The following PIEZO2 variants were observed in gnomAD, a reference collection of about 807,000 sequenced individuals.
The protein encoded by PIEZO2 is piezo-type mechanosensitive ion channel component 2.
PIEZO2 carries 172 observed loss-of-function variants against 337.3 expected under a neutral mutation model. The observed-to-expected ratio is 0.51, with a 90% CI of 0.45 to 0.58. PIEZO2 has a LOEUF of 0.58. PIEZO2 is among the 20% of genes least tolerant of loss of function. The pLI is 0.00. For synonymous variants in PIEZO2, 1,251 were observed against 1,228.5 expected (o/e 1.02, Z -0.38); for missense variants, 3,028 against 3,391.3 (o/e 0.89, Z 2.66).
At chr18:10,978,932 T>G (rs2034553313) in intron 3 of PIEZO2, among the ~76,000 whole-genome samples, 1 of 152,098 alleles carries the variant, frequency 6.6e-6, no homozygotes, top group Non-Finnish European at 1.5e-5. Context: ...CAAATGATAA[T>G]ACTATCTAGA....
rs566241023 is a variant in PIEZO2, at chr18:10,986,838, A to G, written c.161-7178T>C. Among the ~76,000 whole-genome samples the G allele has an allele frequency of 3.3e-5, 5 of 152,162 alleles. No individual in the cohort carries two copies. The East Asian group carries it at 7.7e-4, about 23-fold the overall frequency. On this transcript the variant is annotated intron_variant, in intron 2 of 55. Transcript: ENST00000674853. The stretch of plus-strand genomic sequence containing the variant: ...GAAAAACCTAAAAATCTACCAAAAA[A>G]ACTATTAGAACTAATAAACTCAGTA...
chr18:11,054,601 A>G (rs1026650320), intron 2 of PIEZO2, among the ~76,000 whole-genome samples: 1 of 152,230 alleles, frequency 6.6e-6, no homozygotes, highest in Non-Finnish European at 1.5e-5. Context: ...AAATGTATTA[A>G]CATAAAACCC....
chr18:10,811,819 AGTT>A (rs377236065), intron 7 of PIEZO2, among the ~76,000 whole-genome samples: 121 of 152,302 alleles, frequency 7.9e-4, no homozygotes, highest in African/African-American at 2.6e-3. Flanking sequence ...AAATAACACT[AGTT>A]GTTGTTGTTT....
intron 7 of PIEZO2, among the ~76,000 whole-genome samples, chr18:10,843,637 G>A (rs2041261225): frequency 1.3e-5 from 2 of 152,144 alleles, no homozygotes; most frequent in Admixed American, 1.3e-4. Context: ...AATGTAGAAA[G>A]GGTAATTTTT....
At chr18:10,907,951 A>C (rs1263612811) in intron 4 of PIEZO2, among the ~76,000 whole-genome samples, 1 of 152,240 alleles carries the variant, frequency 6.6e-6, no homozygotes, top group African/African-American at 2.4e-5. Context: ...ACAAACCTAC[A>C]TTACAACATT....
At chr18:11,087,176 G>A (rs898349714) in intron 1 of PIEZO2, among the ~76,000 whole-genome samples, 1 of 152,198 alleles carries the variant, frequency 6.6e-6, no homozygotes, top group African/African-American at 2.4e-5. Context: ...ACTCTCACCA[G>A]ACACTGAATC....
chr18:10,980,308 A>G lies in PIEZO2; in HGVS notation c.161-648T>C, dbSNP rs1170576834. 6.6e-6 allele frequency among the ~76,000 whole-genome samples: 1 copy of G among 152,210 alleles called. No individual in the cohort carries two copies. Among genetic ancestry groups the G allele is most frequent in the Non-Finnish European group, 1.5e-5 (1 of 68,036 alleles). On this transcript the variant is annotated intron_variant, in intron 2 of 55. Coordinates refer to ENST00000674853, the MANE Select transcript of PIEZO2 (RefSeq NM_001378183.1). The surrounding 1 kb of genome is among the most constrained non-coding windows in gnomAD (Gnocchi z 4.8). ...TATCATGGTTTTCTCAATTGGCACCAAAGAAATGTTTCATAAAGTTCAAAA... is the reference window on the plus strand; with the variant it reads ...TATCATGGTTTTCTCAATTGGCACCGAAGAAATGTTTCATAAAGTTCAAAA...
Position 10,791,216 on chromosome 18 carries a change from CCTGA to C in PIEZO2, c.1863_1866del (p.Ser621ArgfsTer37). 1 of 1,535,386 alleles carries C rather than the reference CCTGA, an allele frequency of 6.5e-7. No homozygotes were observed. The highest frequency in any genetic ancestry group is 8.7e-7 in the Non-Finnish European group (1 of 1,145,938). ...ACTAATTTACCTTTTTCTTCATTTT[CCTGA>C]CTGCCAATTTTGACTTCCGATAAAA... On this transcript the variant is annotated frameshift_variant, in exon 14 of 56. Transcript: ENST00000674853. LOFTEE classifies it high-confidence loss of function.
intron 35 of PIEZO2, among the ~76,000 whole-genome samples, chr18:10,732,278 A>G (rs2144078316): frequency 6.6e-6 from 1 of 152,346 alleles, no homozygotes; most frequent in East Asian, 1.9e-4. Context: ...CCATATAGCA[A>G]CAAGAAGCCA....
At chr18:10,712,014 G>A (rs758009345) in intron 39 of PIEZO2, among the ~76,000 whole-genome samples, 37 of 152,254 alleles carry the variant, frequency 2.4e-4, no homozygotes, top group South Asian at 8.3e-4. Flanking sequence ...ACATCATTTG[G>A]GACATTTACG....
In PIEZO2 at chr18:10,694,865, T is replaced by A. The variant is rs924346324; in HGVS notation, c.7190+1209A>T. Among the ~76,000 whole-genome samples the A allele has an allele frequency of 7.8e-4, 118 of 152,018 alleles. 2 individuals are homozygous for A. Among genetic ancestry groups the A allele is most frequent in the South Asian group, 2.1e-4 (1 of 4,806 alleles). On this transcript the variant is annotated intron_variant, in intron 47 of 55. Transcript: ENST00000674853. ...ACAATAAATAAATAAATAAATTTTTTAAAAAACTAGCATGTCACAGTCTGG... is the reference window on the plus strand; with the variant it reads ...ACAATAAATAAATAAATAAATTTTTAAAAAAACTAGCATGTCACAGTCTGG...
In PIEZO2 at chr18:10,903,462, T is replaced by C. The variant is rs2043099478; in HGVS notation, c.329+7724A>G. Among the ~76,000 whole-genome samples the C allele has an allele frequency of 6.6e-6, 1 of 151,972 alleles. No homozygotes were observed. Among genetic ancestry groups the C allele is most frequent in the African/African-American group, 2.4e-5 (1 of 41,372 alleles). On this transcript the variant is annotated intron_variant, in intron 4 of 55. Transcript: ENST00000674853. The surrounding 1 kb of genome is among the most constrained non-coding windows in gnomAD (Gnocchi z 4.1). ...GCGGGCGGATCATGAGGTCAAGAGA[T>C]CGAGACCATCCTGGCCAACAACATG...
In PIEZO2 at chr18:10,713,168, T is replaced by A. The variant is rs1278628766; in HGVS notation, c.5423+1596A>T. ...TTAGCATACATCTTATTTTAAAACT[T>A]GGATTTTTACTAAATATATGTATAT... On this transcript the variant is annotated intron_variant, in intron 39 of 55. Coordinates refer to ENST00000674853, the MANE Select transcript of PIEZO2 (RefSeq NM_001378183.1). This position sits in a 1 kb window ranked among gnomAD's most constrained non-coding sequence, Gnocchi z 4.5. Among the ~76,000 whole-genome samples the A allele has an allele frequency of 2.6e-5, 4 of 152,148 alleles. No homozygotes were observed. Among genetic ancestry groups the A allele is most frequent in the Admixed American group, 2.0e-4 (3 of 15,274 alleles).
intron 1 of PIEZO2, among the ~76,000 whole-genome samples, chr18:11,147,900 G>A (rs1289997541): frequency 6.6e-6 from 1 of 152,252 alleles, no homozygotes; most frequent in Non-Finnish European, 1.5e-5. Flanking sequence ...GCGGCCGCTG[G>A]GAGGCGGGAC....
In PIEZO2 at chr18:10,767,974, A is replaced by C. The variant is rs945754439; in HGVS notation, c.2946+2174T>G. Among the ~76,000 whole-genome samples, 1 of 152,210 alleles carries C rather than the reference A, an allele frequency of 6.6e-6. No individual in the cohort carries two copies. The highest frequency in any genetic ancestry group is 2.4e-5 in the African/African-American group (1 of 41,464). ...GCACAGGCCAAGTCACAACATCCCC[A>C]TCCCAGGGGGCCTTGCCCTGAGCCT... is the stretch of plus-strand genomic sequence containing the variant. On this transcript the variant is annotated intron_variant, in intron 21 of 55. Coordinates refer to ENST00000674853, the MANE Select transcript of PIEZO2 (RefSeq NM_001378183.1). This position sits in a 1 kb window ranked among gnomAD's most constrained non-coding sequence, Gnocchi z 4.2.
At chr18:10,996,662 C>T (rs1247725154) in intron 2 of PIEZO2, among the ~76,000 whole-genome samples, 2 of 152,170 alleles carry the variant, frequency 1.3e-5, no homozygotes, top group Non-Finnish European at 2.9e-5. Context: ...TGTATCAGTA[C>T]TTCATTCTTT....
chr18:11,112,742 A>AGT lies in PIEZO2; in HGVS notation c.64+35782_64+35783insAC, dbSNP rs1397994619. On this transcript the variant is annotated intron_variant, in intron 1 of 55. Coordinates refer to ENST00000674853, the MANE Select transcript of PIEZO2 (RefSeq NM_001378183.1). The surrounding 1 kb of genome is among the most constrained non-coding windows in gnomAD (Gnocchi z 4.3). ...TGTTCTACTGTCTATTGAGAAATGC[A>AGT]TAATGCCACAGGACTGAACTGAAAA... Among the ~76,000 whole-genome samples the AGT allele has an allele frequency of 2.6e-5, 4 of 152,220 alleles. No individual in the cohort carries two copies. Among genetic ancestry groups the AGT allele is most frequent in the African/African-American group, 9.6e-5 (4 of 41,460 alleles).
chr18:11,052,170 G>T (rs1188173243), intron 2 of PIEZO2, among the ~76,000 whole-genome samples: 1 of 152,076 alleles, frequency 6.6e-6, no homozygotes, highest in Non-Finnish European at 1.5e-5. Flanking sequence ...TGTATAGAGG[G>T]TACTTAGAAT....
chr18:10,918,883 A>C (rs1261497204), intron 3 of PIEZO2, among the ~76,000 whole-genome samples: 2 of 151,968 alleles, frequency 1.3e-5, no homozygotes, highest in Admixed American at 1.3e-4. Context: ...TTTTGCTGTT[A>C]TATATAACAT....
Sources: gnomAD v4.1 joint callset for allele counts (sites outside exome capture counted in the v4.1 genomes callset) on GRCh38, gnomAD v4.1.1 for gene constraint, Gnocchi (gnomAD v3.1) non-coding constraint, MANE v1.5 for transcripts, NCBI Gene and HGNC (gene_info 2026-07-23, HGNC 2026-07-21) for gene names.